The following PAX5 variants were observed in gnomAD, a reference collection of about 807,000 sequenced individuals.
PAX5 encodes the protein paired box protein Pax-5.
In PAX5, 9 loss-of-function variants were observed where a neutral mutation model predicts 43.7. The ratio of observed to expected loss-of-function variants is 0.21; its 90% CI spans 0.12 to 0.36. PAX5 has a LOEUF of 0.36. Ranked by LOEUF, PAX5 falls within the 10% of genes least tolerant of loss-of-function variation. The probability of loss-of-function intolerance (pLI) is 1.00; values close to 1 mark genes in which losing one functional copy is unlikely to be tolerated. For missense variants in PAX5, 383 were observed against 532.7 expected, an observed-to-expected ratio of 0.72 and a Z score of 2.77; for synonymous variants, 228 against 214.3, an observed-to-expected ratio of 1.06 and a Z score of -0.56.
At chr9:36,907,074 A>C (rs942072085) in intron 7 of PAX5, among the ~76,000 whole-genome samples, 1 of 152,064 alleles carries the variant, frequency 6.6e-6, no homozygotes, top group African/African-American at 2.4e-5. Context: ...GCTCTGCTTG[A>C]GGGGCTTGGT....
chr9:36,897,709 C>T (rs990805149), intron 7 of PAX5, among the ~76,000 whole-genome samples: 1 of 152,180 alleles, frequency 6.6e-6, no homozygotes, highest in Non-Finnish European at 1.5e-5. Flanking sequence ...TGCTTTCCTG[C>T]CCTTCCCTCT....
intron 8 of PAX5, among the ~76,000 whole-genome samples, chr9:36,869,165 T>C (rs1435696436): frequency 1.3e-5 from 2 of 152,144 alleles, no homozygotes; most frequent in African/African-American, 4.8e-5. Flanking sequence ...CTGACAGCTG[T>C]CAGGGTCTTG....
At chr9:36,915,151 T>C (rs1829632088) in intron 7 of PAX5, among the ~76,000 whole-genome samples, 1 of 152,364 alleles carries the variant, frequency 6.6e-6, no homozygotes, top group East Asian at 1.9e-4. Flanking sequence ...TCTATGTGAA[T>C]ATACCTATGA....
chr9:37,007,250 A>C (rs1838479269), intron 3 of PAX5, among the ~76,000 whole-genome samples: 1 of 152,162 alleles, frequency 6.6e-6, no homozygotes, highest in African/African-American at 2.4e-5. Flanking sequence ...TACAAATTCC[A>C]CTGTGACCTT....
intron 7 of PAX5, among the ~76,000 whole-genome samples, chr9:36,910,010 A>T (rs1478938357): frequency 6.6e-6 from 1 of 151,702 alleles, no homozygotes; most frequent in Non-Finnish European, 1.5e-5. Context: ...TTTTGTAGAG[A>T]CGGGGTTTCA....
chr9:36,904,308 C>T (rs557861230), intron 7 of PAX5, among the ~76,000 whole-genome samples: 2 of 152,112 alleles, frequency 1.3e-5, no homozygotes, highest in African/African-American at 4.8e-5. Flanking sequence ...TACACACCAG[C>T]CCCCTAAATA....
At chr9:36,951,126 T>C (rs2132109360) in intron 6 of PAX5, among the ~76,000 whole-genome samples, 1 of 152,032 alleles carries the variant, frequency 6.6e-6, no homozygotes, top group East Asian at 1.9e-4. Flanking sequence ...GGTGGTAGGG[T>C]GGTGTAAGTA....
At position 36,959,116 on chromosome 9, in the gene PAX5, G is replaced by C. The variant is rs567441465; in HGVS notation, c.780+7433C>G. 1.1e-4 allele frequency among the ~76,000 whole-genome samples: 17 copies of C among 152,326 alleles called. No individual in the cohort carries two copies. In the South Asian group the frequency reaches 3.1e-3, roughly 28 times the overall value. On this transcript the variant is annotated intron_variant, in intron 6 of 9. Coordinates refer to ENST00000358127, the MANE Select transcript of PAX5 (RefSeq NM_016734.3). Reference sequence around the variant, plus strand: ...CTAGTGAGGATTCCTCAGGGGAACTGCCCTTCAGTGCCCCTTCCGGTGCTT... The same window carrying C: ...CTAGTGAGGATTCCTCAGGGGAACTCCCCTTCAGTGCCCCTTCCGGTGCTT...
intron 8 of PAX5, among the ~76,000 whole-genome samples, chr9:36,875,762 G>T (rs143629802): frequency 6.6e-6 from 1 of 152,128 alleles, no homozygotes; most frequent in African/African-American, 2.4e-5. Flanking sequence ...GCCCAACATC[G>T]CCAGTTTCGA....
intron 6 of PAX5, among the ~76,000 whole-genome samples, chr9:36,926,713 T>C (rs985049022): frequency 2.0e-5 from 3 of 152,196 alleles, no homozygotes; most frequent in African/African-American, 7.2e-5. Context: ...TAGGTCCCAG[T>C]TCCGCCCTCC....
rs550137948 is a variant in PAX5, at chr9:36,932,766, C to G, written c.781-9282G>C. Among the ~76,000 whole-genome samples, 9 of 151,484 alleles carry G rather than the reference C, an allele frequency of 5.9e-5. No homozygotes were observed. The South Asian group carries it at 8.4e-4, about 14-fold the overall frequency. On this transcript the variant is annotated intron_variant, in intron 6 of 9. Coordinates refer to ENST00000358127, the MANE Select transcript of PAX5 (RefSeq NM_016734.3). ...CCATTAAAAGATAAGTGGAGTGTGT[C>G]GGGGGAGGGATATCAGTGCAACAAT...
At chr9:36,934,644 A>G (rs1335734579) in intron 6 of PAX5, among the ~76,000 whole-genome samples, 1 of 152,228 alleles carries the variant, frequency 6.6e-6, no homozygotes, top group Non-Finnish European at 1.5e-5. Flanking sequence ...GAAGTACTAC[A>G]AAGGATGTTG....
In PAX5 at chr9:36,929,288, A is replaced by T. The variant is rs922289542; in HGVS notation, c.781-5804T>A. On this transcript the variant is annotated intron_variant, in intron 6 of 9. Transcript: ENST00000358127. ...AAGGAAGGAAGGAAGGAAGGAAGGAAGGATGGATGAGAGAGAGAGAGAGAG... is the reference window on the plus strand; with the variant it reads ...AAGGAAGGAAGGAAGGAAGGAAGGATGGATGGATGAGAGAGAGAGAGAGAG... 1.0e-3 allele frequency among the ~76,000 whole-genome samples: 156 copies of T among 149,970 alleles called. 1 individual carries two copies. The East Asian group carries it at 0.026, about 25-fold the overall frequency.
chr9:36,958,106 C>T (rs372360559), intron 6 of PAX5, among the ~76,000 whole-genome samples: 70 of 152,242 alleles, frequency 4.6e-4, no homozygotes, highest in African/African-American at 1.7e-3. Context: ...CTTTCTTGAG[C>T]CTCATGGTCA....
intron 6 of PAX5, among the ~76,000 whole-genome samples, chr9:36,952,316 T>G (rs1170518110): frequency 7.0e-6 from 1 of 143,724 alleles, no homozygotes; most frequent in Non-Finnish European, 1.5e-5. Flanking sequence ...CTCGGCTCAC[T>G]GCAACCTCCG....
intron 7 of PAX5, among the ~76,000 whole-genome samples, chr9:36,896,101 G>T (rs900653095): frequency 2.6e-5 from 4 of 152,142 alleles, no homozygotes; most frequent in African/African-American, 9.7e-5. Context: ...TGCAGAGACA[G>T]GAGGAATCCA....
chr9:36,867,404 C>T (rs188832432), intron 8 of PAX5, among the ~76,000 whole-genome samples: 1 of 152,350 alleles, frequency 6.6e-6, no homozygotes, highest in East Asian at 1.9e-4. Flanking sequence ...AAATCCTTCC[C>T]TTGTCATCTA....
intron 7 of PAX5, chr9:36,893,586 C>A (rs1452166651): frequency 1.9e-5 from 3 of 154,374 alleles, no homozygotes; most frequent in Non-Finnish European, 4.4e-5. Flanking sequence ...GGCTTCCCAG[C>A]CCCCAGCAGA....
intron 3 of PAX5, among the ~76,000 whole-genome samples, chr9:37,011,193 T>C (rs1174189954): frequency 6.7e-6 from 1 of 149,198 alleles, no homozygotes; most frequent in Non-Finnish European, 1.5e-5. Flanking sequence ...GCTACCAAAA[T>C]TAGAATTAAG....
Sources: allele counts gnomAD v4.1 joint callset (sites outside exome capture counted in the v4.1 genomes callset), GRCh38; gene constraint gnomAD v4.1.1; transcripts MANE v1.5; gene names NCBI Gene and HGNC (gene_info 2026-07-23, HGNC 2026-07-21).